SYNE2: variants seen among roughly 807,000 people sequenced by gnomAD.
SYNE2 encodes spectrin repeat containing nuclear envelope protein 2.
SYNE2 carries 431 observed loss-of-function variants against 856.3 expected under a neutral mutation model. The ratio of observed to expected loss-of-function variants is 0.50; its 90% CI spans 0.47 to 0.55. SYNE2 has a LOEUF of 0.55. Among genes scored for constraint, SYNE2 ranks in the 20% least tolerant of loss-of-function variants. The pLI is 0.00. For missense variants in SYNE2, 8,129 were observed against 8,023.2 expected, an observed-to-expected ratio of 1.01 and a Z score of -0.50; for synonymous variants, 2,923 against 2,872.3, an observed-to-expected ratio of 1.02 and a Z score of -0.56.
intron 114 of SYNE2, 87 bp from the exon 115 acceptor site, chr14:64,224,912 T>C: frequency 7.7e-7 from 1 of 1,291,544 alleles, no homozygotes; most frequent in Non-Finnish European, 1.1e-6. Context: ...AGGTGGTATA[T>C]AATTTAAGGG....
chr14:63,886,382 G>T (rs185106502), intron 1 of SYNE2, among the ~76,000 whole-genome samples: 2 of 152,120 alleles, frequency 1.3e-5, no homozygotes, highest in African/African-American at 4.8e-5. Flanking sequence ...ATTTATATAA[G>T]ACAGGGTGAA....
intron 2 of SYNE2, among the ~76,000 whole-genome samples, chr14:63,939,694 A>G (rs773098354): frequency 6.6e-6 from 1 of 152,230 alleles, no homozygotes; most frequent in Non-Finnish European, 1.5e-5. Context: ...TATGTGCCAG[A>G]GTCTATGCTA....
intron 6 of SYNE2, among the ~76,000 whole-genome samples, chr14:63,948,728 A>ATATC (rs2096080012): frequency 1.1e-5 from 1 of 90,732 alleles, no homozygotes; most frequent in Non-Finnish European, 2.6e-5. Context: ...GTGTGTATAT[A>ATATC]TATGTGTATA....
intron 1 of SYNE2, among the ~76,000 whole-genome samples, chr14:63,893,755 G>A (rs769694405): frequency 9.2e-5 from 14 of 152,148 alleles, no homozygotes; most frequent in Admixed American, 2.6e-4. Flanking sequence ...TGTTTCACAG[G>A]GCCAGGGTAG....
Position 64,121,674 on chromosome 14 carries a change from C to A in SYNE2, c.13159-338C>A, listed in dbSNP as rs73279598. Among the ~76,000 whole-genome samples, 4,678 of 152,286 alleles carry A rather than the reference C, an allele frequency of 0.031. 132 individuals are homozygous for A. Among genetic ancestry groups the A allele is most frequent in the African/African-American group, 0.072 (3,006 of 41,552 alleles). On this transcript the variant is annotated intron_variant, in intron 68 of 115. Coordinates refer to ENST00000555002, the MANE Select transcript of SYNE2 (RefSeq NM_182914.3). ...TGCTTTCAGCTGCTAACACTGGGGA[C>A]ACCATAACTTTGCTCCTTTATTAAC...
intron 60 of SYNE2, 45 bp downstream of exon 60, chr14:64,091,093 C>T: frequency 6.3e-7 from 1 of 1,584,382 alleles, no homozygotes; most frequent in South Asian, 1.1e-5. Flanking sequence ...TGAAAATGTT[C>T]ACCAAAAGCT....
chr14:64,107,761 C>A (rs2097780785), intron 65 of SYNE2, among the ~76,000 whole-genome samples, 154 bp downstream of exon 65: 1 of 152,198 alleles, frequency 6.6e-6, no homozygotes, highest in Non-Finnish European at 1.5e-5. Context: ...AGCTGTAGAA[C>A]TGGAAGACTT....
chr14:64,066,870 A>G (rs2097362256), intron 51 of SYNE2, among the ~76,000 whole-genome samples: 1 of 152,204 alleles, frequency 6.6e-6, no homozygotes, highest in Non-Finnish European at 1.5e-5. Flanking sequence ...TAGTGGCACA[A>G]GGTCCCCAGG....
intron 95 of SYNE2, 96 bp from the exon 96 acceptor site, chr14:64,177,262 A>T (rs1201720695): frequency 6.7e-7 from 1 of 1,498,252 alleles, no homozygotes; most frequent in African/African-American, 1.4e-5. Flanking sequence ...AAACAAACTT[A>T]ATAGAAAGAT....
At chr14:64,135,687 ATG>A (rs1275357352) in intron 78 of SYNE2, among the ~76,000 whole-genome samples, 1 of 152,238 alleles carries the variant, frequency 6.6e-6, no homozygotes, top group Non-Finnish European at 1.5e-5. Flanking sequence ...ATCTGTTAAA[ATG>A]TGTGATTCTA....
In SYNE2 at chr14:64,130,168, G is replaced by C; in HGVS notation, c.14260G>C (p.Gly4754Arg). The change falls in exon 76 of 116, where the codon GGG (glycine) becomes CGG (arginine). Residue 4754 changes from glycine to arginine, a missense_variant. Physicochemically the swap from Gly to Arg is moderately radical, Grantham distance 125 (BLOSUM62 -2). Coordinates refer to ENST00000555002, the MANE Select transcript of SYNE2 (RefSeq NM_182914.3). ...AGGCATGGTGGAACTGGTGAAGATT[G>C]GGAAGGAAAAGCTTGCTCATGGCCA... Reference protein sequence around the residue: ...LQGMVELVKIGKEKLAHGHLK... With the variant: ...LQGMVELVKIRKEKLAHGHLK... 1 of 1,614,130 alleles carries C rather than the reference G, an allele frequency of 6.2e-7. No individual in the cohort carries two copies. The highest frequency in any genetic ancestry group is 8.5e-7 in the Non-Finnish European group (1 of 1,180,014).
rs1488791874 is a variant in SYNE2, at chr14:64,122,050, C to G, written c.13197C>G (p.Ile4399Met). The change falls in exon 69 of 116, where the codon ATC becomes ATG. Residue 4399 changes from isoleucine (I) to methionine (M), a missense_variant. This residue lies in a region of SYNE2 where 5,410 missense variants were observed against 5,284.8 expected (regional missense o/e 1.02). Coordinates refer to ENST00000555002, the MANE Select transcript of SYNE2 (RefSeq NM_182914.3). Reference sequence around the variant, plus strand: ...AACCAATGGAACAGAAAGATTTCATCAAATTCATAGAATTTAATGCTAAGA... The same window carrying G: ...AACCAATGGAACAGAAAGATTTCATGAAATTCATAGAATTTAATGCTAAGA... Reference protein sequence around the residue: ...ELKPMEQKDFIKFIEFNAKKM... With the variant: ...ELKPMEQKDFMKFIEFNAKKM... 2 of 1,613,686 alleles carry G rather than the reference C, an allele frequency of 1.2e-6. No homozygotes were observed. Among genetic ancestry groups the G allele is most frequent in the African/African-American group, 2.7e-5 (2 of 74,914 alleles).
chr14:63,993,500 C>T (rs190010616), intron 21 of SYNE2, among the ~76,000 whole-genome samples: 122 of 152,344 alleles, frequency 8.0e-4, no homozygotes, highest in Admixed American at 2.8e-3. Context: ...GCCAGGGGCT[C>T]ATTAACCCTG....
In SYNE2 at chr14:64,143,642, A is replaced by G. The variant is rs1219856295; in HGVS notation, c.15307-130A>G. 3.2e-6 allele frequency: 3 copies of G among 943,956 alleles called. No individual in the cohort carries two copies. In the African/African-American group the frequency reaches 4.8e-5, roughly 15 times the overall value. 58.5% of individuals were successfully genotyped at this position (943,956 alleles called of 1,614,324 possible). Reference sequence around the variant, plus strand: ...CCTGGTGTAGGTTGGGGAGGGTAGAACAGAACTCCTGACAGGTGCCCCTTG... The same window carrying G: ...CCTGGTGTAGGTTGGGGAGGGTAGAGCAGAACTCCTGACAGGTGCCCCTTG... On this transcript the variant is annotated intron_variant, in intron 82 of 115. Coordinates refer to ENST00000555002, the MANE Select transcript of SYNE2 (RefSeq NM_182914.3).
At position 64,017,766 on chromosome 14, in the gene SYNE2, C is replaced by CAAA. The variant is rs1567063978; in HGVS notation, c.5049+11_5049+12insAAA. On this transcript the variant is annotated intron_variant, in intron 34 of 115. Coordinates refer to ENST00000555002, the MANE Select transcript of SYNE2 (RefSeq NM_182914.3). Reference sequence around the variant, plus strand: ...CAGAGAAAGGCTGAAGGTAATTTAACAGATAAAATACATGCTTTTCTTGGT... The same window carrying CAAA: ...CAGAGAAAGGCTGAAGGTAATTTAACAAAAGATAAAATACATGCTTTTCTTGGT... 1 of 1,612,680 alleles carries CAAA rather than the reference C, an allele frequency of 6.2e-7. No individual in the cohort carries two copies. Among genetic ancestry groups the CAAA allele is most frequent in the Admixed American group, 1.7e-5 (1 of 60,006 alleles).
chr14:64,027,103 T>C (rs2096986593), intron 42 of SYNE2, among the ~76,000 whole-genome samples: 1 of 60,568 alleles, frequency 1.7e-5, no homozygotes. Context: ...CAATCAGATC[T>C]TAATTTTAAG....
chr14:63,810,996 A>G (rs11158510), intron 1 of SYNE2, among the ~76,000 whole-genome samples: 96,081 of 151,752 alleles, frequency 0.63, 30,872 homozygotes, highest in South Asian at 0.77. Context: ...CACCACCTCC[A>G]GCTAATTTTT....
intron 2 of SYNE2, among the ~76,000 whole-genome samples, chr14:63,938,805 T>G (rs2095863310): frequency 6.6e-6 from 1 of 152,144 alleles, no homozygotes; most frequent in Non-Finnish European, 1.5e-5. Context: ...CACCACGGGT[T>G]TCATCATCCG....
At chr14:64,146,254 C>T (rs929705367) in intron 84 of SYNE2, 31 bp downstream of exon 84, 4 of 1,583,444 alleles carry the variant, frequency 2.5e-6, no homozygotes, top group South Asian at 2.3e-5. Flanking sequence ...CCACCCAACC[C>T]GCGAGCTGGG....
Sources: gnomAD v4.1 joint callset for allele counts (sites outside exome capture counted in the v4.1 genomes callset) on GRCh38, gnomAD v4.1.1 for gene constraint, gnomAD v4.1.1 regional missense constraint, MANE v1.5 for transcripts, NCBI Gene and HGNC (gene_info 2026-07-23, HGNC 2026-07-21) for gene names.